Variants in AP5M1 observed in about 807,000 individuals in gnomAD.
The protein encoded by AP5M1 is adaptor related protein complex 5 subunit mu 1.
In AP5M1, 44 loss-of-function variants were observed where a neutral mutation model predicts 52.3. That is an observed-to-expected ratio of 0.84 (90% CI 0.66 to 1.08). AP5M1 has a LOEUF of 1.08. AP5M1 is among the 50% of genes least tolerant of loss of function. The pLI, the probability that AP5M1 is intolerant of heterozygous loss-of-function variation, is 0.00. For missense variants in AP5M1, 526 were observed against 568.4 expected (o/e 0.93, Z 0.76); for synonymous variants, 213 against 199.0 (o/e 1.07, Z -0.59).
At chr14:57,273,869 G>A (rs1884951947) in intron 1 of AP5M1, 3 of 604,988 alleles carry the variant, frequency 5.0e-6, no homozygotes, top group Admixed American at 2.9e-5. Context: ...GATAGAATCA[G>A]AAGAAAAAAA....
chr14:57,280,275 A>T lies in AP5M1; in HGVS notation c.801A>T (p.Leu267=), dbSNP rs1885139551. ...ATGGATCTCCACTTCAGGATATTCT[A>T]GTTCACCCTTGTGTAACTTCTCTTG... ...PTNGSPLQDI[L]VHPCVTSLDS... Residue 267 remains leucine, a synonymous_variant, in exon 3 of 8, where the codon CTA becomes CTT. Transcript: ENST00000261558. The T allele has an allele frequency of 6.2e-7, 1 of 1,613,932 alleles. No individual in the cohort carries two copies. The highest frequency in any genetic ancestry group is 1.7e-5 in the Admixed American group (1 of 59,996).
At chr14:57,287,048 CAAA>C (rs897820407) in intron 7 of AP5M1, among the ~76,000 whole-genome samples, 3 of 150,642 alleles carry the variant, frequency 2.0e-5, no homozygotes, top group Admixed American at 6.6e-5. Context: ...AAATATGAGA[CAAA>C]AAACAATTTA....
chr14:57,269,043 A>G lies in AP5M1; in HGVS notation c.-272A>G, dbSNP rs1302956845. 1.8e-6 allele frequency: 1 copy of G among 554,710 alleles called. No homozygotes were observed. Among genetic ancestry groups the G allele is most frequent in the African/African-American group, 1.9e-5 (1 of 52,000 alleles). 34.4% of individuals were successfully genotyped at this position (554,710 alleles called of 1,614,324 possible). A position where few individuals can be genotyped will look rare whatever the true frequency, so the allele number is the denominator to read the frequency against. The stretch of plus-strand genomic sequence containing the variant: ...CATTCCGGAAGTAGAATTTAGAGGA[A>G]GAAAATACCGGAGTTGCAGGGTATA... On this transcript the variant is annotated 5_prime_UTR_variant, in exon 1 of 8. Transcript: ENST00000261558.
chr14:57,287,102 A>G (rs1009436192), intron 7 of AP5M1, among the ~76,000 whole-genome samples: 2 of 152,146 alleles, frequency 1.3e-5, no homozygotes, highest in African/African-American at 4.8e-5. Context: ...AAATAGAAAT[A>G]TGTAACATCG....
chr14:57,291,918 T>C lies in AP5M1; in HGVS notation c.*3034T>C, dbSNP rs1464741849. 1.3e-5 allele frequency: 2 copies of C among 151,748 alleles called. No individual in the cohort carries two copies. Among genetic ancestry groups the C allele is most frequent in the Non-Finnish European group, 2.9e-5 (2 of 67,806 alleles). The allele number at this position is 151,748 out of a possible 1,614,324, so 9.4% of individuals were successfully genotyped here. A position where few individuals can be genotyped will look rare whatever the true frequency, so the allele number is the denominator to read the frequency against. On this transcript the variant is annotated 3_prime_UTR_variant, in exon 8 of 8. Coordinates refer to ENST00000261558, the MANE Select transcript of AP5M1 (RefSeq NM_018229.4). The stretch of plus-strand genomic sequence containing the variant: ...ACTGCTGCCACAACAGAGTGGTTGT[T>C]CCTAAGACAAAGGTCAAAAAAAGGG...
In AP5M1 at chr14:57,298,107, CG is replaced by C. The variant is rs1885589186; in HGVS notation, c.*9224del. 1 of 152,120 alleles carries C rather than the reference CG, an allele frequency of 6.6e-6. No homozygotes were observed. 9.4% of individuals were successfully genotyped at this position (152,120 alleles called of 1,614,324 possible). On this transcript the variant is annotated 3_prime_UTR_variant, in exon 8 of 8. Coordinates refer to ENST00000261558, the MANE Select transcript of AP5M1 (RefSeq NM_018229.4). ...AGTGAACTTTAAAACATTTGGCACT[CG>C]TATCTTAGAAATGTCCTTCCGAAAC...
chr14:57,270,839 A>C (rs1178689519), intron 1 of AP5M1, among the ~76,000 whole-genome samples: 1 of 152,178 alleles, frequency 6.6e-6, no homozygotes, highest in Non-Finnish European at 1.5e-5. Context: ...TTCACTTCCT[A>C]ATGTTACATT....
rs115638009 is a variant in AP5M1 at position 57,283,479 on chromosome 14, T to C, written c.1293+249T>C. On this transcript the variant is annotated intron_variant, in intron 6 of 7. Transcript: ENST00000261558. Reference sequence around the variant, plus strand: ...GGCGGGATGTCTGTAGTCCCAGCTATTGGGGAGACTGAGGTGGGAGGATCG... The same window carrying C: ...GGCGGGATGTCTGTAGTCCCAGCTACTGGGGAGACTGAGGTGGGAGGATCG... 3.0e-3 allele frequency among the ~76,000 whole-genome samples: 464 copies of C among 152,286 alleles called. 3 individuals are homozygous for C. The highest frequency in any genetic ancestry group is 0.01 in the African/African-American group (428 of 41,570).
intron 7 of AP5M1, among the ~76,000 whole-genome samples, chr14:57,287,979 A>G (rs566714305): frequency 6.6e-6 from 1 of 152,106 alleles, no homozygotes; most frequent in Non-Finnish European, 1.5e-5. Context: ...CAAATGGCAG[A>G]ACTGCGAGTC....
rs544377546 is a variant in AP5M1 at position 57,296,879 on chromosome 14, C to T, written c.*7995C>T. 62 of 152,094 alleles carry T rather than the reference C, an allele frequency of 4.1e-4. No homozygotes were observed. The highest frequency in any genetic ancestry group is 1.3e-3 in the African/African-American group (53 of 41,522). 9.4% of individuals were successfully genotyped at this position (152,094 alleles called of 1,614,324 possible). A position where few individuals can be genotyped will look rare whatever the true frequency, so the allele number is the denominator to read the frequency against. On this transcript the variant is annotated 3_prime_UTR_variant, in exon 8 of 8. Coordinates refer to ENST00000261558, the MANE Select transcript of AP5M1 (RefSeq NM_018229.4). The stretch of plus-strand genomic sequence containing the variant: ...ACAAAAAACAGTTCCATATTTTGAA[C>T]GATATATTCTACCTCCTGCAGTGTA...
chr14:57,271,284 A>G (rs1175094420), intron 1 of AP5M1: 2 of 152,264 alleles, frequency 1.3e-5, no homozygotes, highest in African/African-American at 4.8e-5. Context: ...GGGCATGTCT[A>G]TGCCGATTTT....
intron 2 of AP5M1, among the ~76,000 whole-genome samples, chr14:57,277,134 CTT>C (rs56736203): frequency 0.016 from 2,261 of 140,256 alleles, 66 homozygotes; most frequent in African/African-American, 0.053. Flanking sequence ...TCTTAGGTGC[CTT>C]TTTTTTTTTT....
intron 3 of AP5M1, among the ~76,000 whole-genome samples, chr14:57,281,287 A>G (rs1033450767): frequency 1.3e-5 from 2 of 152,132 alleles, no homozygotes; most frequent in Admixed American, 1.3e-4. Context: ...TTTGAACCCC[A>G]ATTTTTCAGA....
chr14:57,275,925 A>G (rs187158304), intron 2 of AP5M1, among the ~76,000 whole-genome samples: 2 of 152,264 alleles, frequency 1.3e-5, no homozygotes, highest in South Asian at 2.1e-4. Context: ...TTATTTTTCT[A>G]TCTTCCTTTA....
At position 57,289,633 on chromosome 14, in the gene AP5M1, A is replaced by G. The variant is rs138032431; in HGVS notation, c.*749A>G. ...ATATTAAGATGTGTAGAATACCTTC[A>G]GAAGATGATCATAGTGTTTTGTAAT... On this transcript the variant is annotated 3_prime_UTR_variant, in exon 8 of 8. Transcript: ENST00000261558. 4.8e-3 allele frequency: 723 copies of G among 152,150 alleles called. 8 individuals carry two copies. Among genetic ancestry groups the G allele is most frequent in the African/African-American group, 0.017 (695 of 41,566 alleles). 9.4% of individuals were successfully genotyped at this position (152,150 alleles called of 1,614,324 possible).
intron 1 of AP5M1, 86 bp from the exon 2 acceptor site, chr14:57,274,158 C>G: frequency 7.1e-7 from 1 of 1,398,970 alleles, no homozygotes; most frequent in South Asian, 1.5e-5. Flanking sequence ...TACTGTTTGC[C>G]TTATATTTGA....
At chr14:57,281,983 C>A in intron 3 of AP5M1, 106 bp from the exon 4 acceptor site, 1 of 966,496 alleles carries the variant, frequency 1.0e-6, no homozygotes, top group Non-Finnish European at 1.5e-6. Context: ...ACCAAAACAA[C>A]TTGGAATAAT....
At chr14:57,276,756 C>T (rs960116577) in intron 2 of AP5M1, among the ~76,000 whole-genome samples, 2 of 152,038 alleles carry the variant, frequency 1.3e-5, no homozygotes, top group African/African-American at 2.4e-5. Flanking sequence ...TTGGTTCCTA[C>T]TCTTAGTCCT....
intron 4 of AP5M1, among the ~76,000 whole-genome samples, chr14:57,282,587 C>G (rs1272307284): frequency 6.6e-6 from 1 of 152,106 alleles, no homozygotes; most frequent in Non-Finnish European, 1.5e-5. Context: ...ATTATCAATT[C>G]TACTTTTAAA....
Sources: gnomAD v4.1 joint callset for allele counts (sites outside exome capture counted in the v4.1 genomes callset) on GRCh38, gnomAD v4.1.1 for gene constraint, MANE v1.5 for transcripts, NCBI Gene and HGNC (gene_info 2026-07-23, HGNC 2026-07-21) for gene names.